Variants in ZCCHC4 observed in about 807,000 individuals in gnomAD.
The protein encoded by ZCCHC4 is zinc finger CCHC-type containing 4, also known as rRNA N(6)-adenosine-methyltransferase ZCCHC4.
In ZCCHC4, 54 loss-of-function variants were observed where a neutral mutation model predicts 67.7. The observed-to-expected ratio is 0.80, with a 90% CI of 0.64 to 1.00. ZCCHC4 has a LOEUF of 1.00. ZCCHC4 is among the 50% of genes least tolerant of loss of function. The pLI is 0.00. For synonymous variants in ZCCHC4, 198 were observed against 213.5 expected (o/e 0.93, Z 0.63); for missense variants, 609 against 617.0 (o/e 0.99, Z 0.14).
In ZCCHC4 at chr4:25,370,325, T is replaced by C. The variant is rs991401737; in HGVS notation, c.*1161T>C. The C allele has an allele frequency of 1.3e-5, 2 of 152,214 alleles. No homozygotes were observed. Among genetic ancestry groups the C allele is most frequent in the African/African-American group, 4.8e-5 (2 of 41,456 alleles). 9.4% of individuals were successfully genotyped at this position (152,214 alleles called of 1,614,324 possible). A position where few individuals can be genotyped will look rare whatever the true frequency, so the allele number is the denominator to read the frequency against. Reference sequence around the variant, plus strand: ...TTCTTCATTATTATCATTATTATAATGGGGAGAATAACAGCTATACCTGAG... The same window carrying C: ...TTCTTCATTATTATCATTATTATAACGGGGAGAATAACAGCTATACCTGAG... On this transcript the variant is annotated 3_prime_UTR_variant, in exon 13 of 13. Transcript: ENST00000302874.
chr4:25,333,524 T>G, intron 4 of ZCCHC4, 66 bp downstream of exon 4: 2 of 1,534,956 alleles, frequency 1.3e-6, no homozygotes, highest in Non-Finnish European at 1.8e-6. Flanking sequence ...AAGATTTTAT[T>G]AAGTAGTTAC....
rs562217639 is a variant in ZCCHC4 at position 25,318,276 on chromosome 4, A to T, written c.329+2876A>T. 4.5e-3 allele frequency among the ~76,000 whole-genome samples: 623 copies of T among 139,318 alleles called. 15 individuals carry two copies. The highest frequency in any genetic ancestry group is 1.6e-3 in the Non-Finnish European group (101 of 65,010). 91.4% of individuals were successfully genotyped at this position (139,318 alleles called of 152,430 possible). The stretch of plus-strand genomic sequence containing the variant: ...TAAACTCTGTAAGAAAATCTAGGTG[A>T]TCTTATTTTTATGCATAGTAAAATT... On this transcript the variant is annotated intron_variant, in intron 3 of 12. Transcript: ENST00000302874.
Position 25,365,165 on chromosome 4 carries a change from A to G in ZCCHC4, c.1405A>G (p.Lys469Glu), listed in dbSNP as rs1720893552. Residue 469 changes from lysine (K) to glutamate (E), a missense_variant and splice_region_variant, in exon 12 of 13, where the codon AAA becomes GAA. By Grantham distance (56) the Lys-to-Glu change is moderately conservative. Coordinates refer to ENST00000302874, the MANE Select transcript of ZCCHC4 (RefSeq NM_024936.3). ...PNIATSKRAN[K>E]AVRKQKQRKS... ...CATTGCTACATCTAAGAGAGCTAAC[A>G]AGTCAGTCGAATACTTTACTAGAAA... 2 of 1,613,940 alleles carry G rather than the reference A, an allele frequency of 1.2e-6. No individual in the cohort carries two copies. The highest frequency in any genetic ancestry group is 1.7e-6 in the Non-Finnish European group (2 of 1,179,910).
At chr4:25,334,130 C>T (rs192196549) in intron 5 of ZCCHC4, 142 bp downstream of exon 5, 13 of 484,648 alleles carry the variant, frequency 2.7e-5, no homozygotes, top group African/African-American at 1.4e-4. Flanking sequence ...ACTTTTTAGT[C>T]GAATAAATTC....
chr4:25,318,413 G>C (rs972506954), intron 3 of ZCCHC4, among the ~76,000 whole-genome samples: 3 of 126,108 alleles, frequency 2.4e-5, no homozygotes, highest in Non-Finnish European at 4.7e-5. Flanking sequence ...CTAGAGGGCA[G>C]TGGCGCGATC....
chr4:25,335,700 T>C (rs1318762867), intron 5 of ZCCHC4, among the ~76,000 whole-genome samples: 1 of 152,122 alleles, frequency 6.6e-6, no homozygotes, highest in Non-Finnish European at 1.5e-5. Context: ...GTAGAGGTTG[T>C]AGTGAGCCGA....
Position 25,345,583 on chromosome 4 carries a change from A to G in ZCCHC4, c.722A>G (p.His241Arg), listed in dbSNP as rs61746661. Residue 241 changes from histidine (H) to arginine (R), a missense_variant, in exon 6 of 13, where the codon CAT becomes CGT. Coordinates refer to ENST00000302874, the MANE Select transcript of ZCCHC4 (RefSeq NM_024936.3). ...TTTTATATGGAAGATAGCTTTTGCC[A>G]TTATAATATGTTTAACCATCATTTC... The part of the protein sequence containing the change: ...SQFYMEDSFC[H>R]YNMFNHHFFD... 2.8e-3 allele frequency: 4,454 copies of G among 1,569,356 alleles called. 90 individuals carry two copies. In the African/African-American group the frequency reaches 0.045, roughly 16 times the overall value.
chr4:25,347,998 T>C (rs1720106627), intron 6 of ZCCHC4, among the ~76,000 whole-genome samples: 1 of 150,520 alleles, frequency 6.6e-6, no homozygotes, highest in South Asian at 2.1e-4. Context: ...GATTCTTACC[T>C]GGAAAAAAAA....
At chr4:25,345,387 C>G (rs1182943245) in intron 5 of ZCCHC4, among the ~76,000 whole-genome samples, 161 bp from the exon 6 acceptor site, 1 of 152,102 alleles carries the variant, frequency 6.6e-6, no homozygotes, top group Non-Finnish European at 1.5e-5. Flanking sequence ...GTTATTTATT[C>G]ACTGTTACAG....
At chr4:25,323,012 G>A (rs1011037475) in intron 3 of ZCCHC4, among the ~76,000 whole-genome samples, 7 of 152,122 alleles carry the variant, frequency 4.6e-5, no homozygotes, top group African/African-American at 1.7e-4. Context: ...CTAATTCTTT[G>A]CATCACATCA....
Position 25,345,979 on chromosome 4 carries a change from C to T in ZCCHC4, c.759+359C>T, listed in dbSNP as rs1170013368. On this transcript the variant is annotated intron_variant, in intron 6 of 12. Transcript: ENST00000302874. Reference sequence around the variant, plus strand: ...GAACTGGTCAGACGCCTTTCCACCGCAGGGAAGGTCCATGCTGTTCCTGCT... The same window carrying T: ...GAACTGGTCAGACGCCTTTCCACCGTAGGGAAGGTCCATGCTGTTCCTGCT... 2.0e-5 allele frequency among the ~76,000 whole-genome samples: 3 copies of T among 152,156 alleles called. No homozygotes were observed. The South Asian group carries it at 6.2e-4, about 31-fold the overall frequency.
chr4:25,315,720 T>C (rs1577719668), intron 3 of ZCCHC4, among the ~76,000 whole-genome samples: 3 of 151,150 alleles, frequency 2.0e-5, no homozygotes, highest in African/African-American at 7.3e-5. Flanking sequence ...GTGTTTTTTT[T>C]TTTTTTTTTG....
chr4:25,337,727 T>C (rs1179976949), intron 5 of ZCCHC4, among the ~76,000 whole-genome samples: 1 of 152,244 alleles, frequency 6.6e-6, no homozygotes, highest in Non-Finnish European at 1.5e-5. Context: ...GCAGCACTCA[T>C]GTTCCTAACT....
chr4:25,339,023 G>T (rs1719604387), intron 5 of ZCCHC4, among the ~76,000 whole-genome samples: 1 of 152,114 alleles, frequency 6.6e-6, no homozygotes, highest in Non-Finnish European at 1.5e-5. Context: ...GTTTTAGCAG[G>T]TTTGGTTTCT....
rs1196930240 is a variant in ZCCHC4, at chr4:25,369,251, CTGCTTCCAGAGGTG to C, written c.*91_*104del. On this transcript the variant is annotated 3_prime_UTR_variant, in exon 13 of 13. Transcript: ENST00000302874. The stretch of plus-strand genomic sequence containing the variant: ...AGTGCCACACTGGACTTAAATTCAG[CTGCTTCCAGAGGTG>C]TGCACCTTTCTGAGCTAGATAACAG... 4 of 1,572,908 alleles carry C rather than the reference CTGCTTCCAGAGGTG, an allele frequency of 2.5e-6. No individual in the cohort carries two copies. The Admixed American group carries it at 7.7e-5, about 30-fold the overall frequency.
chr4:25,335,338 C>A (rs1275266251), intron 5 of ZCCHC4, among the ~76,000 whole-genome samples: 2 of 152,134 alleles, frequency 1.3e-5, no homozygotes. Context: ...ATCCCAGCTA[C>A]TAGGGAGGCT....
At chr4:25,344,576 A>G (rs2109076388) in intron 5 of ZCCHC4, among the ~76,000 whole-genome samples, 1 of 151,972 alleles carries the variant, frequency 6.6e-6, no homozygotes, top group Admixed American at 6.5e-5. Flanking sequence ...ACTAACCTGC[A>G]CATTGTGCAC....
intron 3 of ZCCHC4, 75 bp from the exon 4 acceptor site, chr4:25,333,108 A>G: frequency 6.8e-7 from 1 of 1,477,748 alleles, no homozygotes; most frequent in Non-Finnish European, 9.1e-7. Context: ...TTTGGATGCT[A>G]AAAATAGCAA....
chr4:25,321,843 T>G (rs1273135754), intron 3 of ZCCHC4, among the ~76,000 whole-genome samples: 1 of 152,218 alleles, frequency 6.6e-6, no homozygotes, highest in Non-Finnish European at 1.5e-5. Flanking sequence ...TGATATCAAA[T>G]GCATGTCCTG....
Sources: gnomAD v4.1 joint callset for allele counts (sites outside exome capture counted in the v4.1 genomes callset) on GRCh38, gnomAD v4.1.1 for gene constraint, MANE v1.5 for transcripts, NCBI Gene and HGNC (gene_info 2026-07-23, HGNC 2026-07-21) for gene names.